Variants in VCPIP1 observed in about 807,000 individuals in gnomAD.
VCPIP1 encodes valosin containing protein interacting protein 1, also known as deubiquitinating protein VCPIP1.
In VCPIP1, 8 loss-of-function variants were observed where a neutral mutation model predicts 85.0. That is an observed-to-expected ratio of 0.09 (90% CI 0.06 to 0.17). The LOEUF (loss-of-function observed/expected upper bound fraction) is 0.17, where lower values mean the gene tolerates loss of function less well. Ranked by LOEUF, VCPIP1 falls within the 10% of genes least tolerant of loss-of-function variation. VCPIP1 has a pLI of 1.00. For missense variants in VCPIP1, 1,070 were observed against 1,486.3 expected (o/e 0.72, Z 4.61); for synonymous variants, 543 against 544.5 (o/e 1.00, Z 0.04).
intron 1 of VCPIP1, among the ~76,000 whole-genome samples, chr8:66,656,998 C>G (rs776767076): frequency 7.2e-5 from 11 of 152,068 alleles, no homozygotes; most frequent in Non-Finnish European, 1.5e-4. Flanking sequence ...CTCCACTTCC[C>G]GGGTTCAAGC....
At chr8:66,636,236 CAAAAAA>C (rs1180259925) in intron 2 of VCPIP1, among the ~76,000 whole-genome samples, 1 of 41,516 alleles carries the variant, frequency 2.4e-5, no homozygotes, top group Admixed American at 2.8e-4. Context: ...GACTCCATCT[CAAAAAA>C]AAAAAAAAAA....
chr8:66,653,839 T>G (rs1270929161), intron 1 of VCPIP1, among the ~76,000 whole-genome samples: 1 of 152,234 alleles, frequency 6.6e-6, no homozygotes, highest in Admixed American at 6.5e-5. Flanking sequence ...ACCTTATATC[T>G]GCTTATGTAC....
In VCPIP1 at chr8:66,666,423, C is replaced by G; in HGVS notation, c.536G>C (p.Gly179Ala). ...LIEPEHVNTV[G>A]YGKDRSGSLL... ...GCTTCCGGAGCGGTCCTTGCCATAG[C>G]CCACAGTGTTAACATGCTCTGGTTC... Residue 179 changes from glycine (G) to alanine (A), a missense_variant, in exon 1 of 3, where the codon GGC becomes GCC. This residue lies in a region of VCPIP1 where 118 missense variants were observed against 337.1 expected (regional missense o/e 0.35). Transcript: ENST00000310421. This position sits in a 1 kb window ranked among gnomAD's most constrained non-coding sequence, Gnocchi z 6.3. 1 of 1,614,140 alleles carries G rather than the reference C, an allele frequency of 6.2e-7. No homozygotes were observed. The highest frequency in any genetic ancestry group is 8.5e-7 in the Non-Finnish European group (1 of 1,180,026).
At chr8:66,655,856 T>A (rs915398134) in intron 1 of VCPIP1, among the ~76,000 whole-genome samples, 1 of 152,092 alleles carries the variant, frequency 6.6e-6, no homozygotes, top group Admixed American at 6.6e-5. Context: ...ACTACAAAAG[T>A]AAAAATACTT....
intron 2 of VCPIP1, among the ~76,000 whole-genome samples, chr8:66,637,866 G>A (rs1810904697): frequency 6.6e-6 from 1 of 152,150 alleles, no homozygotes; most frequent in Non-Finnish European, 1.5e-5. Context: ...CAGCTACTCG[G>A]GAGGCTGAGG....
chr8:66,656,516 G>A (rs892197409), intron 1 of VCPIP1, among the ~76,000 whole-genome samples: 1 of 152,082 alleles, frequency 6.6e-6, no homozygotes, highest in African/African-American at 2.4e-5. Context: ...TATTTAAAAA[G>A]GCAATTTGAA....
intron 2 of VCPIP1, among the ~76,000 whole-genome samples, chr8:66,645,759 CA>C (rs1179669993): frequency 0.014 from 783 of 57,438 alleles, 3 homozygotes; most frequent in African/African-American, 0.029. Context: ...CCTGTCTCTA[CA>C]AAAAAAAAAA....
At chr8:66,645,172 G>A (rs1810982364) in intron 2 of VCPIP1, among the ~76,000 whole-genome samples, 1 of 150,372 alleles carries the variant, frequency 6.7e-6, no homozygotes, top group African/African-American at 2.4e-5. Context: ...TGTAATCCCA[G>A]CACTTTGGGA....
intron 2 of VCPIP1, 43 bp from the exon 3 acceptor site, chr8:66,635,415 T>C: frequency 6.6e-7 from 1 of 1,515,386 alleles, no homozygotes; most frequent in Admixed American, 2.1e-5. Flanking sequence ...AATCTTAAGG[T>C]ATTAATAAAA....
At position 66,665,334 on chromosome 8, in the gene VCPIP1, T is replaced by C. The variant is rs780020932; in HGVS notation, c.1625A>G (p.His542Arg). ...MSNLTACNWC[H>R]GTSVRKVRGD... ...TCTGACCTTTCGCACAGATGTGCCA[T>C]GGCACCAATTACAAGCTGTTAGGTT... Residue 542 changes from histidine to arginine, a missense_variant, in exon 1 of 3, where the codon CAT becomes CGT. His to Arg is a conservative substitution (Grantham distance 29, BLOSUM62 0). Transcript: ENST00000310421. This position sits in a 1 kb window ranked among gnomAD's most constrained non-coding sequence, Gnocchi z 4.3. 1.4e-5 allele frequency: 22 copies of C among 1,613,918 alleles called. No individual in the cohort carries two copies. In the South Asian group the frequency reaches 2.3e-4, roughly 17 times the overall value.
chr8:66,639,321 C>CTTTTTTT lies in VCPIP1; in HGVS notation c.2798-3956_2798-3950dup, dbSNP rs57563619. On this transcript the variant is annotated intron_variant, in intron 2 of 2. Transcript: ENST00000310421. ...ATATTTTAAGCCAATTAATTTTATTCTTTTTTTTTTTTTTTTTTTTTTTTT... is the reference window on the plus strand; with the variant it reads ...ATATTTTAAGCCAATTAATTTTATTCTTTTTTTTTTTTTTTTTTTTTTTTTTTTTTTT... Among the ~76,000 whole-genome samples the CTTTTTTT allele has an allele frequency of 1.5e-4, 10 of 67,814 alleles. 1 individual carries two copies. Among genetic ancestry groups the CTTTTTTT allele is most frequent in the East Asian group, 5.3e-4 (1 of 1,892 alleles). The allele number at this position is 67,814 out of a possible 152,430, so 44.5% of individuals were successfully genotyped here.
At position 66,666,709 on chromosome 8, in the gene VCPIP1, C is replaced by G. The variant is rs1399891725; in HGVS notation, c.250G>C (p.Gly84Arg). 1.2e-6 allele frequency: 2 copies of G among 1,614,060 alleles called. No homozygotes were observed. The highest frequency in any genetic ancestry group is 2.7e-5 in the African/African-American group (2 of 74,924). Residue 84 changes from glycine to arginine, a missense_variant, in exon 1 of 3, where the codon GGG (glycine) becomes CGG (arginine). Gly to Arg is a moderately radical substitution (Grantham distance 125, BLOSUM62 -2). Coordinates refer to ENST00000310421, the MANE Select transcript of VCPIP1 (RefSeq NM_025054.5). This position sits in a 1 kb window ranked among gnomAD's most constrained non-coding sequence, Gnocchi z 6.3. ...TCCGGGTCGGTCACCTCCTCAACCC[C>G]CAGCAGCTGTTGCTGCTCGTGCCGC... ...GQRHEQQQLLGVEEVTDPDVV... is the reference protein window; with the variant it reads ...GQRHEQQQLLRVEEVTDPDVV...
intron 2 of VCPIP1, among the ~76,000 whole-genome samples, chr8:66,636,438 G>A (rs1404940041): frequency 2.6e-5 from 4 of 151,832 alleles, no homozygotes; most frequent in Non-Finnish European, 2.9e-5. Flanking sequence ...GGAAGTATAT[G>A]CAGTTATTAA....
rs1169986547 is a variant in VCPIP1 at position 66,632,802 on chromosome 8, G to A, written c.*1699C>T. ...ACTAAGTAGTAAATAGTATTTGGTAGCTACAGCTCTTATTTTATGCAAAAA... is the reference window on the plus strand; with the variant it reads ...ACTAAGTAGTAAATAGTATTTGGTAACTACAGCTCTTATTTTATGCAAAAA... On this transcript the variant is annotated 3_prime_UTR_variant, in exon 3 of 3. Coordinates refer to ENST00000310421, the MANE Select transcript of VCPIP1 (RefSeq NM_025054.5). The A allele has an allele frequency of 6.6e-6, 1 of 152,062 alleles. No individual in the cohort carries two copies. Among genetic ancestry groups the A allele is most frequent in the Non-Finnish European group, 1.5e-5 (1 of 67,938 alleles). 9.4% of individuals were successfully genotyped at this position (152,062 alleles called of 1,614,324 possible).
In VCPIP1 at chr8:66,629,497, T is replaced by G. The variant is rs1224283828; in HGVS notation, c.*5004A>C. The stretch of plus-strand genomic sequence containing the variant: ...CAAAATCAAGTTCTCTGTTAGAATT[T>G]GCCTTCATTTTTAAATATTCAGTAA... On this transcript the variant is annotated 3_prime_UTR_variant, in exon 3 of 3. Transcript: ENST00000310421. The G allele has an allele frequency of 6.6e-6, 1 of 152,242 alleles. No individual in the cohort carries two copies. The highest frequency in any genetic ancestry group is 2.4e-5 in the African/African-American group (1 of 41,470). 9.4% of individuals were successfully genotyped at this position (152,242 alleles called of 1,614,324 possible). A position where few individuals can be genotyped will look rare whatever the true frequency, so the allele number is the denominator to read the frequency against.
At chr8:66,654,242 G>A (rs898773536) in intron 1 of VCPIP1, among the ~76,000 whole-genome samples, 3 of 152,244 alleles carry the variant, frequency 2.0e-5, no homozygotes, top group African/African-American at 7.2e-5. Context: ...TTGGGAGGCC[G>A]AGGCAGGCAG....
Position 66,630,819 on chromosome 8 carries a change from G to A in VCPIP1, c.*3682C>T, listed in dbSNP as rs147541586. The A allele has an allele frequency of 7.2e-5, 11 of 152,590 alleles. No homozygotes were observed. In the East Asian group the frequency reaches 2.1e-3, roughly 29 times the overall value. 9.5% of individuals were successfully genotyped at this position (152,590 alleles called of 1,614,324 possible). A position where few individuals can be genotyped will look rare whatever the true frequency, so the allele number is the denominator to read the frequency against. On this transcript the variant is annotated 3_prime_UTR_variant, in exon 3 of 3. Transcript: ENST00000310421. ...AGCATCTCAAAGAATTATCAAGAAT[G>A]GTAGAACTTGTAATTAACTCTATAA...
In VCPIP1 at chr8:66,632,346, A is replaced by T. The variant is rs937719924; in HGVS notation, c.*2155T>A. The stretch of plus-strand genomic sequence containing the variant: ...AGAATTTCAAGAAATTTGATCACTT[A>T]TCAGAATTGAGCCTTTTATTCATTT... On this transcript the variant is annotated 3_prime_UTR_variant, in exon 3 of 3. Transcript: ENST00000310421. The T allele has an allele frequency of 6.6e-6, 1 of 152,122 alleles. No homozygotes were observed. The highest frequency in any genetic ancestry group is 2.4e-5 in the African/African-American group (1 of 41,470). 9.4% of individuals were successfully genotyped at this position (152,122 alleles called of 1,614,324 possible). A position where few individuals can be genotyped will look rare whatever the true frequency, so the allele number is the denominator to read the frequency against.
Position 66,634,640 on chromosome 8 carries a change from C to A in VCPIP1, c.3530G>T (p.Gly1177Val), listed in dbSNP as rs769359452. The change falls in exon 3 of 3, where the codon GGC (glycine) becomes GTC (valine). Residue 1177 changes from glycine (G) to valine (V), a missense_variant. Around this residue, in one of 8 missense-constraint regions of VCPIP1, gnomAD observed 255 missense variants for 289.5 expected, o/e 0.88. Transcript: ENST00000310421. ...TGCTCCCAGTGCATCTGCTACACAG[C>A]CATCAGTTGTTTCTGTATTCAAATT... The part of the protein sequence containing the change: ...TENLNTETTD[G>V]CVADALGAAF... The A allele has an allele frequency of 6.2e-7, 1 of 1,614,166 alleles. No individual in the cohort carries two copies. The highest frequency in any genetic ancestry group is 8.5e-7 in the Non-Finnish European group (1 of 1,180,032).
Sources: allele counts gnomAD v4.1 joint callset (sites outside exome capture counted in the v4.1 genomes callset), GRCh38; gene constraint gnomAD v4.1.1; regional missense constraint gnomAD v4.1.1; non-coding constraint Gnocchi (gnomAD v3.1); transcripts MANE v1.5; gene names NCBI Gene and HGNC (gene_info 2026-07-23, HGNC 2026-07-21).